Variants in SNTG1 observed in about 807,000 individuals in gnomAD.
SNTG1 encodes the protein syntrophin gamma 1.
A neutral mutation model predicts 74.7 loss-of-function variants in SNTG1; 39 were observed. The observed-to-expected ratio is 0.52, with a 90% CI of 0.40 to 0.68. The LOEUF (loss-of-function observed/expected upper bound fraction) is 0.68, where lower values mean the gene tolerates loss of function less well. Ranked by LOEUF, SNTG1 falls within the 30% of genes least tolerant of loss-of-function variation. SNTG1 has a pLI of 0.00. For synonymous variants in SNTG1, 254 were observed against 217.1 expected (o/e 1.17, Z -1.49); for missense variants, 685 against 609.5 (o/e 1.12, Z -1.30).
At chr8:50,088,559 T>C (rs947118606) in intron 1 of SNTG1, among the ~76,000 whole-genome samples, 1 of 134,494 alleles carries the variant, frequency 7.4e-6, no homozygotes, top group African/African-American at 2.6e-5. Context: ...CAGCAAAGTC[T>C]CAGGATACAA....
chr8:50,020,347 C>T (rs986295355), intron 1 of SNTG1, among the ~76,000 whole-genome samples: 5 of 152,102 alleles, frequency 3.3e-5, no homozygotes, highest in Non-Finnish European at 7.4e-5. Context: ...ATGGGAGACA[C>T]AGACAAGGCT....
intron 9 of SNTG1, among the ~76,000 whole-genome samples, chr8:50,517,485 T>A (rs1381296358): frequency 6.6e-6 from 1 of 151,970 alleles, no homozygotes; most frequent in Non-Finnish European, 1.5e-5. Context: ...AATTAAAAGA[T>A]ACAGACTAGC....
chr8:50,796,145 T>G lies in SNTG1; in HGVS notation c.*3316T>G, dbSNP rs532019490. 1 of 152,056 alleles carries G rather than the reference T, an allele frequency of 6.6e-6. No individual in the cohort carries two copies. The highest frequency in any genetic ancestry group is 1.5e-5 in the Non-Finnish European group (1 of 67,956). The allele number at this position is 152,056 out of a possible 1,614,324, so 9.4% of individuals were successfully genotyped here. A position where few individuals can be genotyped will look rare whatever the true frequency, so the allele number is the denominator to read the frequency against. On this transcript the variant is annotated 3_prime_UTR_variant, in exon 19 of 19. Coordinates refer to ENST00000642720, the MANE Select transcript of SNTG1 (RefSeq NM_018967.5). ...TTGAATGCTGGATTTAAGAAAAGCTTGATTTATTACTGAGAAAAATTAATA... is the reference window on the plus strand; with the variant it reads ...TTGAATGCTGGATTTAAGAAAAGCTGGATTTATTACTGAGAAAAATTAATA...
chr8:50,633,265 G>A (rs2095015459), intron 13 of SNTG1, among the ~76,000 whole-genome samples: 1 of 152,162 alleles, frequency 6.6e-6, no homozygotes, highest in Non-Finnish European at 1.5e-5. Flanking sequence ...TTCTTCACGT[G>A]GGGCCATCTT....
At chr8:50,162,439 G>C (rs973294780) in intron 1 of SNTG1, among the ~76,000 whole-genome samples, 2 of 151,636 alleles carry the variant, frequency 1.3e-5, no homozygotes, top group Non-Finnish European at 2.9e-5. Flanking sequence ...GCGGGTGCCT[G>C]TAGTCCCGGC....
At chr8:50,439,415 A>C (rs1302810420) in intron 5 of SNTG1, among the ~76,000 whole-genome samples, 1 of 152,048 alleles carries the variant, frequency 6.6e-6, no homozygotes, top group African/African-American at 2.4e-5. Context: ...AACACAACTC[A>C]TGTCATATAT....
intron 2 of SNTG1, among the ~76,000 whole-genome samples, chr8:50,187,631 A>G (rs2083431752): frequency 6.6e-6 from 1 of 152,152 alleles, no homozygotes; most frequent in Admixed American, 6.6e-5. Flanking sequence ...TCAGGATGCT[A>G]TTGTTTTAGA....
At chr8:50,375,846 C>T (rs150845925) in intron 2 of SNTG1, among the ~76,000 whole-genome samples, 108 of 152,254 alleles carry the variant, frequency 7.1e-4, no homozygotes, top group African/African-American at 2.5e-3. Context: ...GAAGGAGTAG[C>T]TCTGCAAGGG....
chr8:50,034,324 T>G (rs932134504), intron 1 of SNTG1, among the ~76,000 whole-genome samples: 10 of 152,230 alleles, frequency 6.6e-5, no homozygotes, highest in Non-Finnish European at 7.3e-5. Flanking sequence ...AAATAAGAGA[T>G]GATGCAACAT....
At chr8:50,312,786 T>C (rs1463002691) in intron 2 of SNTG1, among the ~76,000 whole-genome samples, 4 of 150,062 alleles carry the variant, frequency 2.7e-5, no homozygotes, top group Admixed American at 1.3e-4. Flanking sequence ...ATTTCAACTA[T>C]AAGGTTCTTC....
At chr8:50,695,214 C>CA (rs2095399865) in intron 15 of SNTG1, among the ~76,000 whole-genome samples, 3 of 151,250 alleles carry the variant, frequency 2.0e-5, no homozygotes, top group African/African-American at 2.4e-5. Flanking sequence ...CACACACACA[C>CA]ACAAAAAAAA....
At chr8:50,157,328 G>A (rs1211744679) in intron 1 of SNTG1, among the ~76,000 whole-genome samples, 1 of 152,036 alleles carries the variant, frequency 6.6e-6, no homozygotes, top group Non-Finnish European at 1.5e-5. Flanking sequence ...GATCAGAGGA[G>A]TAGTTACAAA....
At chr8:49,917,308 A>G (rs1480128252) in intron 1 of SNTG1, among the ~76,000 whole-genome samples, 1 of 152,184 alleles carries the variant, frequency 6.6e-6, no homozygotes, top group Non-Finnish European at 1.5e-5. Flanking sequence ...TGTTTAGTTG[A>G]ACTCATAAAC....
At chr8:49,947,639 T>C (rs1192008565) in intron 1 of SNTG1, among the ~76,000 whole-genome samples, 1 of 152,212 alleles carries the variant, frequency 6.6e-6, no homozygotes, top group Non-Finnish European at 1.5e-5. Flanking sequence ...GGTAACAAGT[T>C]GTACATTGCT....
intron 13 of SNTG1, among the ~76,000 whole-genome samples, chr8:50,603,044 A>G (rs1372193993): frequency 6.6e-6 from 1 of 151,824 alleles, no homozygotes; most frequent in Non-Finnish European, 1.5e-5. Flanking sequence ...TTGTACTTGA[A>G]TGTTATCTTT....
chr8:50,277,845 T>A (rs1212444595), intron 2 of SNTG1, among the ~76,000 whole-genome samples: 1 of 152,194 alleles, frequency 6.6e-6, no homozygotes, highest in African/African-American at 2.4e-5. Context: ...CCGTATTAAT[T>A]TTATCGATGG....
chr8:50,216,015 T>C (rs2084775849), intron 2 of SNTG1, among the ~76,000 whole-genome samples: 1 of 152,136 alleles, frequency 6.6e-6, no homozygotes, highest in Admixed American at 6.6e-5. Context: ...CCAGAGAGTG[T>C]CTATCTCACT....
chr8:49,971,901 G>T (rs1391654372), intron 1 of SNTG1, among the ~76,000 whole-genome samples: 2 of 152,176 alleles, frequency 1.3e-5, no homozygotes, highest in Non-Finnish European at 2.9e-5. Flanking sequence ...CCATGCTCAT[G>T]GGTAGGAAGA....
chr8:50,219,712 G>A (rs147053343), intron 2 of SNTG1, among the ~76,000 whole-genome samples: 12 of 152,220 alleles, frequency 7.9e-5, no homozygotes, highest in Admixed American at 7.9e-4. Flanking sequence ...AAAATCTGTC[G>A]CCATGATCCA....
Sources: allele counts gnomAD v4.1 joint callset (sites outside exome capture counted in the v4.1 genomes callset), GRCh38; gene constraint gnomAD v4.1.1; transcripts MANE v1.5; gene names NCBI Gene and HGNC (gene_info 2026-07-23, HGNC 2026-07-21).